Variants in SGCZ observed in about 807,000 individuals in gnomAD.
SGCZ encodes the protein sarcoglycan zeta.
SGCZ carries 40 observed loss-of-function variants against 41.3 expected under a neutral mutation model. That is an observed-to-expected ratio of 0.97 (90% confidence interval 0.75 to 1.26). The LOEUF (loss-of-function observed/expected upper bound fraction) is 1.26, where lower values mean the gene tolerates loss of function less well. Ranked by LOEUF, SGCZ falls within the 50% of genes most tolerant of loss-of-function variation. The pLI, the probability that SGCZ is intolerant of heterozygous loss-of-function variation, is 0.00. For synonymous variants in SGCZ, 206 were observed against 137.5 expected (o/e 1.50, Z -3.49); for missense variants, 552 against 369.8 (o/e 1.49, Z -4.04).
chr8:14,352,502 G>T (rs1159201550), intron 2 of SGCZ, among the ~76,000 whole-genome samples: 1 of 152,022 alleles, frequency 6.6e-6, no homozygotes, highest in Non-Finnish European at 1.5e-5. Context: ...AGGATTCAAG[G>T]TTACTCTTCT....
chr8:15,234,677 A>C (rs1304384187), intron 1 of SGCZ, among the ~76,000 whole-genome samples: 2 of 152,248 alleles, frequency 1.3e-5, no homozygotes, highest in African/African-American at 2.4e-5. Flanking sequence ...GCTTATCTTT[A>C]GTTTAAAAGC....
At chr8:14,651,284 G>A (rs575872469) in intron 1 of SGCZ, among the ~76,000 whole-genome samples, 23 of 151,942 alleles carry the variant, frequency 1.5e-4, no homozygotes, top group Non-Finnish European at 2.9e-4. Context: ...CATTAAGAGG[G>A]CATTTTATGA....
intron 1 of SGCZ, among the ~76,000 whole-genome samples, chr8:14,776,953 A>G (rs555034586): frequency 6.6e-6 from 1 of 152,354 alleles, no homozygotes; most frequent in Middle Eastern, 3.4e-3. Context: ...CAATGGAATA[A>G]AATACAATTT....
At chr8:14,464,844 T>C (rs1382600323) in intron 2 of SGCZ, among the ~76,000 whole-genome samples, 1 of 151,650 alleles carries the variant, frequency 6.6e-6, no homozygotes, top group African/African-American at 2.4e-5. Flanking sequence ...TTTTGATCAT[T>C]GGTTGTTCAG....
chr8:14,936,603 T>C (rs1800092839), intron 1 of SGCZ, among the ~76,000 whole-genome samples: 1 of 151,844 alleles, frequency 6.6e-6, no homozygotes, highest in African/African-American at 2.4e-5. Context: ...CATTTATATA[T>C]AAAACTTTGA....
At chr8:14,996,034 G>A (rs1408756294) in intron 1 of SGCZ, among the ~76,000 whole-genome samples, 6 of 151,952 alleles carry the variant, frequency 3.9e-5, no homozygotes, top group African/African-American at 1.5e-4. Flanking sequence ...CTCCCGAGTA[G>A]CTGAGACTAC....
rs144910441 is a variant in SGCZ, at chr8:15,142,174, G to A, written c.39+95411C>T. On this transcript the variant is annotated intron_variant, in intron 1 of 7. Coordinates refer to ENST00000382080, the MANE Select transcript of SGCZ (RefSeq NM_139167.4). ...TGATTCTTTTCATAAAATGACTAGA[G>A]GACTTTTGATTAAGAGGGAGCAGAT... is the stretch of plus-strand genomic sequence containing the variant. Among the ~76,000 whole-genome samples the A allele has an allele frequency of 1.3e-3, 195 of 152,202 alleles. 2 individuals are homozygous for A. The highest frequency in any genetic ancestry group is 4.5e-3 in the African/African-American group (185 of 41,536).
chr8:14,220,119 T>C (rs1290822990), intron 4 of SGCZ, among the ~76,000 whole-genome samples: 1 of 152,194 alleles, frequency 6.6e-6, no homozygotes, highest in African/African-American at 2.4e-5. Context: ...TCTAGTTATA[T>C]ATCAAAAAGA....
At chr8:14,410,540 TAAAA>T (rs10602435) in intron 2 of SGCZ, among the ~76,000 whole-genome samples, 20,254 of 142,186 alleles carry the variant, frequency 0.14, 2,967 homozygotes, top group African/African-American at 0.37. Context: ...TAAGTTAATA[TAAAA>T]AAAAAAAAAC....
At chr8:14,388,903 A>G (rs1804665776) in intron 2 of SGCZ, among the ~76,000 whole-genome samples, 1 of 152,066 alleles carries the variant, frequency 6.6e-6, no homozygotes, top group African/African-American at 2.4e-5. Flanking sequence ...CAAAGGAATT[A>G]GCATTAAAGA....
chr8:14,505,877 C>A (rs1389172920), intron 2 of SGCZ, among the ~76,000 whole-genome samples: 12 of 152,156 alleles, frequency 7.9e-5, no homozygotes, highest in Non-Finnish European at 1.5e-5. Flanking sequence ...ACTCGGCAAT[C>A]TGTGTTTTAG....
chr8:14,873,167 G>C (rs1804228704), intron 1 of SGCZ, among the ~76,000 whole-genome samples: 2 of 152,054 alleles, frequency 1.3e-5, no homozygotes, highest in Admixed American at 1.3e-4. Flanking sequence ...ATAGTTATCA[G>C]ACAGAATCCA....
intron 5 of SGCZ, among the ~76,000 whole-genome samples, chr8:14,136,412 C>A (rs1803200032): frequency 6.6e-6 from 1 of 152,156 alleles, no homozygotes; most frequent in East Asian, 1.9e-4. Flanking sequence ...GAAGCAGTGA[C>A]AGATGGTACC....
intron 3 of SGCZ, among the ~76,000 whole-genome samples, chr8:14,288,706 T>C (rs576167285): frequency 6.6e-6 from 1 of 152,310 alleles, no homozygotes; most frequent in Admixed American, 6.5e-5. Flanking sequence ...TAGTTTTTTC[T>C]ACATTTTGGT....
intron 2 of SGCZ, among the ~76,000 whole-genome samples, chr8:14,359,994 G>A (rs1185724450): frequency 6.6e-6 from 1 of 152,058 alleles, no homozygotes. Context: ...CATATCAACA[G>A]AATGAAGGAT....
intron 2 of SGCZ, among the ~76,000 whole-genome samples, chr8:14,358,460 A>G (rs1222275565): frequency 1.3e-5 from 2 of 152,154 alleles, no homozygotes; most frequent in Non-Finnish European, 2.9e-5. Flanking sequence ...TGGTAACGCA[A>G]TGTATGGCTA....
At chr8:15,203,381 A>T (rs6990575) in intron 1 of SGCZ, among the ~76,000 whole-genome samples, 9 of 152,038 alleles carry the variant, frequency 5.9e-5, no homozygotes, top group African/African-American at 2.2e-4. Flanking sequence ...AATGTCAGGC[A>T]TTGAGTGTAC....
At chr8:15,155,231 G>C (rs938031277) in intron 1 of SGCZ, among the ~76,000 whole-genome samples, 1 of 152,120 alleles carries the variant, frequency 6.6e-6, no homozygotes, top group Non-Finnish European at 1.5e-5. Flanking sequence ...GGAGGCAGAG[G>C]TTGCAGTGAG....
At chr8:14,237,788 C>G (rs1331520758) in intron 3 of SGCZ, 109 bp from the exon 4 acceptor site, 1 of 888,384 alleles carries the variant, frequency 1.1e-6, no homozygotes, top group Admixed American at 2.4e-5. Flanking sequence ...TTTGTTTGCT[C>G]TATATTAGAC....
Sources: allele counts gnomAD v4.1 joint callset (sites outside exome capture counted in the v4.1 genomes callset), GRCh38; gene constraint gnomAD v4.1.1; transcripts MANE v1.5; gene names NCBI Gene and HGNC (gene_info 2026-07-23, HGNC 2026-07-21).